The following KCNQ3 variants were observed in gnomAD, a reference collection of about 807,000 sequenced individuals.
KCNQ3 encodes potassium voltage-gated channel subfamily KQT member 3.
KCNQ3 carries 30 observed loss-of-function variants against 92.5 expected under a neutral mutation model. The ratio of observed to expected loss-of-function variants is 0.32; its 90% CI spans 0.24 to 0.44. The LOEUF (loss-of-function observed/expected upper bound fraction) is 0.44. Among genes scored for constraint, KCNQ3 ranks in the 20% least tolerant of loss-of-function variants. The pLI, the probability that KCNQ3 is intolerant of heterozygous loss-of-function variation, is 1.00. For synonymous variants in KCNQ3, 450 were observed against 468.8 expected, an observed-to-expected ratio of 0.96 and a Z score of 0.52; for missense variants, 913 against 1,140.3, an observed-to-expected ratio of 0.80 and a Z score of 2.87.
chr8:132,419,939 G>A (rs576039529), intron 1 of KCNQ3, among the ~76,000 whole-genome samples: 1 of 152,302 alleles, frequency 6.6e-6, no homozygotes, highest in East Asian at 1.9e-4. Context: ...GAATACATGG[G>A]TACTGTCTCA....
chr8:132,411,629 C>T (rs1217423223), intron 1 of KCNQ3, among the ~76,000 whole-genome samples: 2 of 152,096 alleles, frequency 1.3e-5, no homozygotes, highest in Non-Finnish European at 2.9e-5. Context: ...AACAAACTGG[C>T]ATATCAGGGA....
intron 1 of KCNQ3, among the ~76,000 whole-genome samples, chr8:132,454,768 A>T (rs1318586802): frequency 1.3e-5 from 2 of 152,220 alleles, no homozygotes; most frequent in Admixed American, 6.5e-5. Context: ...CATAATAGCC[A>T]AAAGGTGGAA....
intron 1 of KCNQ3, among the ~76,000 whole-genome samples, chr8:132,378,287 G>A (rs1385782736): frequency 1.3e-5 from 2 of 152,040 alleles, no homozygotes; most frequent in Middle Eastern, 3.2e-3. Flanking sequence ...AAGCTACTGG[G>A]AGGCTGATGC....
chr8:132,454,957 T>C (rs1821905114), intron 1 of KCNQ3, among the ~76,000 whole-genome samples: 1 of 152,086 alleles, frequency 6.6e-6, no homozygotes, highest in African/African-American at 2.4e-5. Context: ...TCATAAGAGG[T>C]ATTTAGAGGT....
At chr8:132,377,601 T>TG (rs1388344097) in intron 1 of KCNQ3, among the ~76,000 whole-genome samples, 1 of 152,204 alleles carries the variant, frequency 6.6e-6, no homozygotes, top group Non-Finnish European at 1.5e-5. Flanking sequence ...TTTCTAGCTC[T>TG]GGCTGAGACT....
At chr8:132,376,585 A>G (rs1458024858) in intron 1 of KCNQ3, among the ~76,000 whole-genome samples, 1 of 152,232 alleles carries the variant, frequency 6.6e-6, no homozygotes, top group South Asian at 2.1e-4. Flanking sequence ...GCTAGAAAAT[A>G]CATTGCTTTT....
chr8:132,134,521 T>TGAGGAGAGGAGAGGG (rs1563764941), intron 12 of KCNQ3, 133 bp from the exon 13 acceptor site: 9 of 647,546 alleles, frequency 1.4e-5, no homozygotes, highest in East Asian at 3.0e-5. Context: ...AGAGGAGAAG[T>TGAGGAGAGGAGAGGG]GAGGAGAGGA....
At chr8:132,256,989 TG>T (rs1322155636) in intron 1 of KCNQ3, among the ~76,000 whole-genome samples, 3 of 152,204 alleles carry the variant, frequency 2.0e-5, no homozygotes, top group Non-Finnish European at 2.9e-5. Context: ...ATGTATTTTT[TG>T]TTTGTAGCTT....
chr8:132,323,640 C>A (rs1424312226), intron 1 of KCNQ3, among the ~76,000 whole-genome samples: 1 of 152,160 alleles, frequency 6.6e-6, no homozygotes, highest in Non-Finnish European at 1.5e-5. Flanking sequence ...TCTCTGACTT[C>A]CCATTTCCAT....
intron 1 of KCNQ3, among the ~76,000 whole-genome samples, chr8:132,419,396 A>G (rs1418832875): frequency 1.3e-5 from 2 of 152,260 alleles, no homozygotes; most frequent in African/African-American, 2.4e-5. Context: ...TTCATTTAAT[A>G]CTGCTTTTAA....
At chr8:132,388,681 T>C (rs1000193130) in intron 1 of KCNQ3, among the ~76,000 whole-genome samples, 17 of 152,198 alleles carry the variant, frequency 1.1e-4, no homozygotes, top group African/African-American at 4.1e-4. Flanking sequence ...AAAATATTGA[T>C]TAAACATCTA....
intron 1 of KCNQ3, among the ~76,000 whole-genome samples, chr8:132,335,986 A>T (rs910337926): frequency 6.6e-6 from 1 of 152,144 alleles, no homozygotes; most frequent in Non-Finnish European, 1.5e-5. Context: ...CCAAGAGACT[A>T]ATTTGTAGAG....
intron 1 of KCNQ3, among the ~76,000 whole-genome samples, chr8:132,234,736 G>A (rs1814756671): frequency 6.6e-6 from 1 of 152,160 alleles, no homozygotes; most frequent in Admixed American, 6.5e-5. Context: ...CTAGTAAGTG[G>A]TAGACAGAAA....
In KCNQ3 at chr8:132,432,814, C is replaced by A. The variant is rs184851547; in HGVS notation, c.386+47333G>T. Among the ~76,000 whole-genome samples the A allele has an allele frequency of 3.9e-4, 59 of 152,294 alleles. No homozygotes were observed. The East Asian group carries it at 7.7e-3, about 20-fold the overall frequency. On this transcript the variant is annotated intron_variant, in intron 1 of 14. Coordinates refer to ENST00000388996, the MANE Select transcript of KCNQ3 (RefSeq NM_004519.4). ...CTTCTTCACCAGAATAAAAGCTTCACGAGGGCAAGAATTAGTAGGATGTCT... is the reference window on the plus strand; with the variant it reads ...CTTCTTCACCAGAATAAAAGCTTCAAGAGGGCAAGAATTAGTAGGATGTCT...
Position 132,352,288 on chromosome 8 carries a change from C to G in KCNQ3, c.386+127859G>C, listed in dbSNP as rs527576174. On this transcript the variant is annotated intron_variant, in intron 1 of 14. Coordinates refer to ENST00000388996, the MANE Select transcript of KCNQ3 (RefSeq NM_004519.4). ...GGGACAAAGGGATGATCTTGACCCCCCAAGGAGCATTCAGCGATGCCTGGA... is the reference window on the plus strand; with the variant it reads ...GGGACAAAGGGATGATCTTGACCCCGCAAGGAGCATTCAGCGATGCCTGGA... 4.4e-4 allele frequency among the ~76,000 whole-genome samples: 67 copies of G among 152,160 alleles called. 1 individual carries two copies. The highest frequency in any genetic ancestry group is 6.8e-3 in the Middle Eastern group (2 of 294).
At chr8:132,311,699 ATTAAC>A (rs1372241427) in intron 1 of KCNQ3, among the ~76,000 whole-genome samples, 1 of 152,244 alleles carries the variant, frequency 6.6e-6, no homozygotes, top group African/African-American at 2.4e-5. Context: ...GTTAATTATT[ATTAAC>A]TTAAAGTCAA....
At position 132,241,540 on chromosome 8, in the gene KCNQ3, A is replaced by G. The variant is rs933686641; in HGVS notation, c.387-55359T>C. Reference sequence around the variant, plus strand: ...CTATTGCCTACTTTCGTCCTTAGAAAAACACTCATTGGGCTGGGCACAGTA... The same window carrying G: ...CTATTGCCTACTTTCGTCCTTAGAAGAACACTCATTGGGCTGGGCACAGTA... On this transcript the variant is annotated intron_variant, in intron 1 of 14. Transcript: ENST00000388996. 7.9e-5 allele frequency among the ~76,000 whole-genome samples: 12 copies of G among 152,130 alleles called. No individual in the cohort carries two copies. In the East Asian group the frequency reaches 1.6e-3, roughly 20 times the overall value.
chr8:132,174,469 G>T, intron 5 of KCNQ3, 120 bp from the exon 6 acceptor site: 1 of 777,758 alleles, frequency 1.3e-6, no homozygotes. Context: ...TTCATAACAA[G>T]GTTCCCTTAG....
chr8:132,159,685 TAAAG>T (rs1024210060), intron 9 of KCNQ3, among the ~76,000 whole-genome samples: 27 of 152,116 alleles, frequency 1.8e-4, no homozygotes, highest in African/African-American at 6.5e-4. Flanking sequence ...AGATAAGAGA[TAAAG>T]AGAGAAAATC....
Sources: gnomAD v4.1 joint callset for allele counts (sites outside exome capture counted in the v4.1 genomes callset) on GRCh38, gnomAD v4.1.1 for gene constraint, MANE v1.5 for transcripts, NCBI Gene and HGNC (gene_info 2026-07-23, HGNC 2026-07-21) for gene names.